HS3ST3A1: variants seen among roughly 807,000 people sequenced by gnomAD.
The protein encoded by HS3ST3A1 is heparan sulfate glucosamine 3-O-sulfotransferase 3A1.
A neutral mutation model predicts 25.7 loss-of-function variants in HS3ST3A1; 19 were observed. The observed-to-expected ratio is 0.74, with a 90% CI of 0.52 to 1.08. HS3ST3A1 has a LOEUF of 1.08. Ranked by LOEUF, HS3ST3A1 falls within the 50% of genes least tolerant of loss-of-function variation. The pLI is 0.00. For missense variants in HS3ST3A1, 459 were observed against 594.3 expected (o/e 0.77, Z 2.37); for synonymous variants, 226 against 278.6 (o/e 0.81, Z 1.88).
intron 1 of HS3ST3A1, among the ~76,000 whole-genome samples, chr17:13,552,559 G>T (rs1165349015): frequency 6.6e-6 from 1 of 152,166 alleles, no homozygotes; most frequent in South Asian, 2.1e-4. Context: ...ATCTTAGGTG[G>T]CTGGCTTTGG....
chr17:13,541,643 T>A (rs138026812), intron 1 of HS3ST3A1, among the ~76,000 whole-genome samples: 18 of 152,132 alleles, frequency 1.2e-4, no homozygotes, highest in African/African-American at 4.3e-4. Context: ...CCTTAAGGAG[T>A]CTCTTTCTTT....
At chr17:13,568,542 T>A (rs1479024840) in intron 1 of HS3ST3A1, among the ~76,000 whole-genome samples, 1 of 152,236 alleles carries the variant, frequency 6.6e-6, no homozygotes, top group Non-Finnish European at 1.5e-5. Flanking sequence ...ATTTTTATGC[T>A]GTCCAGATTT....
At chr17:13,568,867 GCTTGTGGTTCTCACA>G (rs1230327737) in intron 1 of HS3ST3A1, among the ~76,000 whole-genome samples, 1 of 152,208 alleles carries the variant, frequency 6.6e-6, no homozygotes, top group East Asian at 1.9e-4. Context: ...TGATTTCTCA[GCTTGTGGTTCTCACA>G]CTTCACGGGA....
rs1210777076 is a variant in HS3ST3A1, at chr17:13,560,284, G to A, written c.599+40247C>T. On this transcript the variant is annotated intron_variant, in intron 1 of 1. Transcript: ENST00000284110. ...CAGCCTGGGCAACAGAGGGACACTC[G>A]TCTCCAAAAAAAAAAAAAAAAAAAA... is the stretch of plus-strand genomic sequence containing the variant. 5.2e-4 allele frequency among the ~76,000 whole-genome samples: 10 copies of A among 19,214 alleles called. No homozygotes were observed. In the East Asian group the frequency reaches 8.7e-3, roughly 17 times the overall value. 12.6% of individuals were successfully genotyped at this position (19,214 alleles called of 152,430 possible).
intron 1 of HS3ST3A1, among the ~76,000 whole-genome samples, chr17:13,545,910 G>A (rs867197751): frequency 2.6e-5 from 4 of 152,142 alleles, no homozygotes; most frequent in Admixed American, 1.3e-4. Context: ...CCAGGAAGCA[G>A]AGGCTGCGGT....
At chr17:13,561,334 G>A (rs1166635101) in intron 1 of HS3ST3A1, among the ~76,000 whole-genome samples, 1 of 151,488 alleles carries the variant, frequency 6.6e-6, no homozygotes, top group Non-Finnish European at 1.5e-5. Flanking sequence ...CCTTCCCTCT[G>A]CTCCTGATTT....
intron 1 of HS3ST3A1, among the ~76,000 whole-genome samples, chr17:13,502,723 C>T (rs983147793): frequency 1.3e-5 from 2 of 152,184 alleles, no homozygotes; most frequent in African/African-American, 4.8e-5. Context: ...TAAATCTTGG[C>T]ATTTGCCTCT....
intron 1 of HS3ST3A1, among the ~76,000 whole-genome samples, chr17:13,579,443 G>A (rs1322784250): frequency 2.0e-5 from 3 of 152,158 alleles, no homozygotes; most frequent in South Asian, 4.1e-4. Flanking sequence ...GCTCACTCTT[G>A]TAATCCCAGC....
intron 1 of HS3ST3A1, among the ~76,000 whole-genome samples, chr17:13,514,683 T>C (rs1034631338): frequency 1.6e-4 from 25 of 152,270 alleles, no homozygotes; most frequent in African/African-American, 5.8e-4. Context: ...CAGGTGTTTA[T>C]AGGTATGGCG....
At chr17:13,515,263 G>A (rs919926410) in intron 1 of HS3ST3A1, among the ~76,000 whole-genome samples, 1 of 152,122 alleles carries the variant, frequency 6.6e-6, no homozygotes, top group Non-Finnish European at 1.5e-5. Context: ...GGGTTCAGGC[G>A]ATTCTCCCGC....
At chr17:13,547,556 T>A (rs184712837) in intron 1 of HS3ST3A1, among the ~76,000 whole-genome samples, 6 of 152,308 alleles carry the variant, frequency 3.9e-5, no homozygotes, top group Admixed American at 2.6e-4. Flanking sequence ...TGGGAGGCTG[T>A]GCACCCAGAG....
intron 1 of HS3ST3A1, among the ~76,000 whole-genome samples, chr17:13,499,359 G>A (rs1905383335): frequency 6.6e-6 from 1 of 152,228 alleles, no homozygotes; most frequent in Non-Finnish European, 1.5e-5. Context: ...GAATTTCTCA[G>A]TGAAGGAAAT....
In HS3ST3A1 at chr17:13,503,972, C is replaced by T. The variant is rs891815231; in HGVS notation, c.600-7154G>A. Reference sequence around the variant, plus strand: ...CAAATGTCCACCCAAAATAGACGCACGTAGACACATACTGAGATCTTAAAC... The same window carrying T: ...CAAATGTCCACCCAAAATAGACGCATGTAGACACATACTGAGATCTTAAAC... On this transcript the variant is annotated intron_variant, in intron 1 of 1. Transcript: ENST00000284110. Among the ~76,000 whole-genome samples, 11 of 152,290 alleles carry T rather than the reference C, an allele frequency of 7.2e-5. No individual in the cohort carries two copies. The South Asian group carries it at 1.0e-3, about 14-fold the overall frequency.
intron 1 of HS3ST3A1, among the ~76,000 whole-genome samples, chr17:13,585,148 T>G (rs953484414): frequency 2.8e-4 from 42 of 150,398 alleles, no homozygotes; most frequent in African/African-American, 1.0e-3. Context: ...AACAACCATT[T>G]AGCCGCCAAT....
intron 1 of HS3ST3A1, among the ~76,000 whole-genome samples, chr17:13,561,137 T>C (rs1168444420): frequency 1.3e-5 from 2 of 152,078 alleles, no homozygotes; most frequent in Non-Finnish European, 2.9e-5. Flanking sequence ...CCAATAAAAG[T>C]AGAAATCACT....
chr17:13,596,068 G>A (rs1908567434), intron 1 of HS3ST3A1, among the ~76,000 whole-genome samples: 1 of 152,122 alleles, frequency 6.6e-6, no homozygotes, highest in Admixed American at 6.5e-5. Flanking sequence ...AAATATTTTG[G>A]CCAGGGTATT....
At chr17:13,498,387 T>C (rs1457360110) in intron 1 of HS3ST3A1, among the ~76,000 whole-genome samples, 1 of 152,124 alleles carries the variant, frequency 6.6e-6, no homozygotes, top group African/African-American at 2.4e-5. Flanking sequence ...TCAATCCTAC[T>C]CTTACCAAAG....
intron 1 of HS3ST3A1, among the ~76,000 whole-genome samples, chr17:13,592,588 G>A (rs983956854): frequency 4.6e-5 from 7 of 152,178 alleles, no homozygotes; most frequent in Non-Finnish European, 8.8e-5. Context: ...TCCCTTGCAC[G>A]AAAGCAGTTG....
intron 1 of HS3ST3A1, among the ~76,000 whole-genome samples, chr17:13,561,366 C>T (rs1907542902): frequency 6.6e-6 from 1 of 151,790 alleles, no homozygotes; most frequent in Non-Finnish European, 1.5e-5. Context: ...TTCGAGCATT[C>T]ACCCTGAGAT....
Sources: gnomAD v4.1 joint callset for allele counts (sites outside exome capture counted in the v4.1 genomes callset) on GRCh38, gnomAD v4.1.1 for gene constraint, MANE v1.5 for transcripts, NCBI Gene and HGNC (gene_info 2026-07-23, HGNC 2026-07-21) for gene names.